RBFOX1: variants seen among roughly 807,000 people sequenced by gnomAD.
The protein encoded by RBFOX1 is RNA binding fox-1 homolog 1.
In RBFOX1, 8 loss-of-function variants were observed where a neutral mutation model predicts 57.7. The ratio of observed to expected loss-of-function variants is 0.14; its 90% confidence interval spans 0.08 to 0.25. The LOEUF is 0.25. Ranked by LOEUF, RBFOX1 falls within the 10% of genes least tolerant of loss-of-function variation. The pLI is 1.00. For synonymous variants in RBFOX1, 326 were observed against 222.4 expected, an observed-to-expected ratio of 1.47 and a Z score of -4.15; for missense variants, 611 against 548.5, an observed-to-expected ratio of 1.11 and a Z score of -1.14.
intron 2 of RBFOX1, among the ~76,000 whole-genome samples, chr16:6,517,885 G>A (rs1338448445): frequency 1.3e-5 from 2 of 152,088 alleles, no homozygotes; most frequent in African/African-American, 4.8e-5. Context: ...ATAAAGTCTG[G>A]GGCCTTAATA....
At chr16:5,813,373 C>G (rs1016542137) in intron 3 of RBFOX1, among the ~76,000 whole-genome samples, 3 of 152,274 alleles carry the variant, frequency 2.0e-5, no homozygotes, top group Admixed American at 1.3e-4. Context: ...ACAGAAAACT[C>G]GTACCCATTA....
intron 1 of RBFOX1, among the ~76,000 whole-genome samples, chr16:5,315,295 A>T (rs1242203312): frequency 6.6e-6 from 1 of 152,122 alleles, no homozygotes. Flanking sequence ...CTTAAGTCAA[A>T]ATTAGCATTT....
chr16:5,753,940 C>T (rs1665508512), intron 3 of RBFOX1, among the ~76,000 whole-genome samples: 1 of 152,126 alleles, frequency 6.6e-6, no homozygotes, highest in Non-Finnish European at 1.5e-5. Flanking sequence ...TCCCCCACTC[C>T]TCTCTAGGTA....
intron 2 of RBFOX1, among the ~76,000 whole-genome samples, chr16:6,506,290 TGACAGCA>T (rs1456952503): frequency 6.6e-6 from 1 of 151,888 alleles, no homozygotes; most frequent in Non-Finnish European, 1.5e-5. Context: ...GGAAATGTAG[TGACAGCA>T]GCCAGCAGGG....
chr16:7,418,782 C>CTCTGTCTCTATT (rs1555883851), intron 4 of RBFOX1, among the ~76,000 whole-genome samples: 94 of 150,222 alleles, frequency 6.3e-4, no homozygotes, highest in African/African-American at 2.1e-3. Context: ...GTGTCTCTAT[C>CTCTGTCTCTATT]TCTGTCTTTC....
chr16:7,459,057 A>T (rs950034371), intron 4 of RBFOX1, among the ~76,000 whole-genome samples: 1 of 152,098 alleles, frequency 6.6e-6, no homozygotes, highest in East Asian at 1.9e-4. Context: ...GGATGGATGA[A>T]TGCAATAGAT....
At position 6,698,434 on chromosome 16, in the gene RBFOX1, T is replaced by G. The variant is rs1202776581; in HGVS notation, c.-16+43784T>G. On this transcript the variant is annotated intron_variant, in intron 3 of 15. Coordinates refer to ENST00000550418, the MANE Select transcript of RBFOX1 (RefSeq NM_018723.4). Reference sequence around the variant, plus strand: ...CTTAAGTAAGACCATTCTTGTGAAGTTCTCCTGTGGCCGCCATAACGCAAA... The same window carrying G: ...CTTAAGTAAGACCATTCTTGTGAAGGTCTCCTGTGGCCGCCATAACGCAAA... Among the ~76,000 whole-genome samples the G allele has an allele frequency of 3.9e-5, 6 of 152,160 alleles. No homozygotes were observed. In the East Asian group the frequency reaches 1.2e-3, roughly 29 times the overall value.
intron 3 of RBFOX1, among the ~76,000 whole-genome samples, chr16:6,789,018 G>C (rs2082454331): frequency 6.6e-6 from 1 of 152,114 alleles, no homozygotes; most frequent in African/African-American, 2.4e-5. Flanking sequence ...GATGGACCCA[G>C]TCTGAAGATG....
chr16:6,093,139 C>A (rs2096200528), intron 1 of RBFOX1, among the ~76,000 whole-genome samples: 1 of 152,170 alleles, frequency 6.6e-6, no homozygotes, highest in African/African-American at 2.4e-5. Flanking sequence ...CAAAAAGATG[C>A]AATTACTGTC....
At chr16:6,855,021 A>G (rs930605437) in intron 3 of RBFOX1, among the ~76,000 whole-genome samples, 18 of 152,032 alleles carry the variant, frequency 1.2e-4, no homozygotes, top group East Asian at 5.8e-4. Flanking sequence ...CCTAAGGACA[A>G]TGTTTCACTG....
At chr16:6,666,540 C>CAAAA (rs35935992) in intron 3 of RBFOX1, among the ~76,000 whole-genome samples, 3 of 81,458 alleles carry the variant, frequency 3.7e-5, no homozygotes, top group East Asian at 4.2e-4. Flanking sequence ...ACTCTGTCTC[C>CAAAA]AAAAAAAAAA....
At chr16:6,905,246 T>A (rs1442160345) in intron 3 of RBFOX1, among the ~76,000 whole-genome samples, 3 of 151,708 alleles carry the variant, frequency 2.0e-5, no homozygotes, top group African/African-American at 7.3e-5. Context: ...CTGTAACTGT[T>A]TAAAAAAAAA....
At chr16:6,634,782 A>T (rs2098418384) in intron 2 of RBFOX1, among the ~76,000 whole-genome samples, 1 of 64,972 alleles carries the variant, frequency 1.5e-5, no homozygotes, top group Non-Finnish European at 3.6e-5. Context: ...TAAATATATA[A>T]TACAAAGATA....
intron 2 of RBFOX1, among the ~76,000 whole-genome samples, chr16:6,439,196 C>T (rs2071202316): frequency 6.6e-6 from 1 of 152,166 alleles, no homozygotes; most frequent in South Asian, 2.1e-4. Flanking sequence ...TGCATACAGG[C>T]AGTGATGATG....
At position 7,388,501 on chromosome 16, in the gene RBFOX1, A is replaced by G. The variant is rs554851177; in HGVS notation, c.28-129646A>G. ...TTTTTATCATCTCTCTGCCCGGGAT[A>G]ACTTGTTTCATCCCCTTCCCTGAGC... On this transcript the variant is annotated intron_variant, in intron 4 of 15. Transcript: ENST00000550418. Among the ~76,000 whole-genome samples the G allele has an allele frequency of 5.3e-5, 8 of 152,230 alleles. 1 individual carries two copies. Among genetic ancestry groups the G allele is most frequent in the Admixed American group, 4.6e-4 (7 of 15,280 alleles).
rs184737047 is a variant in RBFOX1, at chr16:7,232,608, G to A, written c.27+180510G>A. Among the ~76,000 whole-genome samples, 181 of 152,164 alleles carry A rather than the reference G, an allele frequency of 1.2e-3. 2 individuals carry two copies. Among genetic ancestry groups the A allele is most frequent in the East Asian group, 8.0e-3 (41 of 5,148 alleles). On this transcript the variant is annotated intron_variant, in intron 4 of 15. Coordinates refer to ENST00000550418, the MANE Select transcript of RBFOX1 (RefSeq NM_018723.4). ...TGTAATCCCAGCGCTTTGGGAGGCCGAAGCGGGTGGATCACCTGAGGTTGG... is the reference window on the plus strand; with the variant it reads ...TGTAATCCCAGCGCTTTGGGAGGCCAAAGCGGGTGGATCACCTGAGGTTGG...
intron 3 of RBFOX1, among the ~76,000 whole-genome samples, chr16:6,763,807 A>T (rs972563432): frequency 7.9e-5 from 12 of 152,124 alleles, no homozygotes; most frequent in African/African-American, 2.9e-4. Context: ...AACGTGTGGG[A>T]ATAGCAAATG....
At chr16:7,400,597 G>C (rs187772395) in intron 4 of RBFOX1, among the ~76,000 whole-genome samples, 1 of 152,270 alleles carries the variant, frequency 6.6e-6, no homozygotes, top group African/African-American at 2.4e-5. Context: ...GAAGAAATTT[G>C]GAAATAGGTG....
intron 3 of RBFOX1, among the ~76,000 whole-genome samples, chr16:6,827,607 C>G (rs1488613592): frequency 2.0e-5 from 3 of 152,182 alleles, no homozygotes; most frequent in Non-Finnish European, 4.4e-5. Flanking sequence ...AGAGTATCCC[C>G]TGCCAGCCCC....
Sources: gnomAD v4.1 joint callset for allele counts (sites outside exome capture counted in the v4.1 genomes callset) on GRCh38, gnomAD v4.1.1 for gene constraint, MANE v1.5 for transcripts, NCBI Gene and HGNC (gene_info 2026-07-23, HGNC 2026-07-21) for gene names.